Variants in CDK6 observed in about 807,000 individuals in gnomAD.
CDK6 encodes the protein cyclin dependent kinase 6, also known as cyclin-dependent kinase 6.
CDK6 carries 6 observed loss-of-function variants against 37.1 expected under a neutral mutation model. That is an observed-to-expected ratio of 0.16 (90% CI 0.09 to 0.32). The LOEUF (loss-of-function observed/expected upper bound fraction) is 0.32. CDK6 is among the 10% of genes least tolerant of loss of function. CDK6 has a pLI of 1.00. For synonymous variants in CDK6, 160 were observed against 161.3 expected (o/e 0.99, Z 0.06); for missense variants, 224 against 418.9 (o/e 0.53, Z 4.06).
intron 5 of CDK6, among the ~76,000 whole-genome samples, chr7:92,646,476 C>T (rs1056878754): frequency 4.0e-5 from 6 of 151,382 alleles, no homozygotes; most frequent in African/African-American, 9.7e-5. Context: ...CGGCTCACTG[C>T]AACCTCTCCC....
chr7:92,707,697 C>T (rs113940056), intron 4 of CDK6, among the ~76,000 whole-genome samples: 22 of 152,300 alleles, frequency 1.4e-4, no homozygotes, highest in African/African-American at 5.1e-4. Context: ...TGCGTGCATG[C>T]GCACACACAC....
intron 3 of CDK6, among the ~76,000 whole-genome samples, chr7:92,732,069 A>G (rs1210676309): frequency 6.6e-6 from 1 of 152,218 alleles, no homozygotes; most frequent in Non-Finnish European, 1.5e-5. Context: ...AGGCTTTTAA[A>G]AACATTTTAC....
At chr7:92,683,709 T>TG (rs111440463) in intron 4 of CDK6, among the ~76,000 whole-genome samples, 3,119 of 144,822 alleles carry the variant, frequency 0.022, 58 homozygotes, top group African/African-American at 0.049. Flanking sequence ...AGGACTGTGG[T>TG]GGGGGGGGGG....
intron 5 of CDK6, among the ~76,000 whole-genome samples, chr7:92,659,253 T>C (rs1796779643): frequency 6.6e-6 from 1 of 152,188 alleles, no homozygotes; most frequent in African/African-American, 2.4e-5. Flanking sequence ...GCACTTGAAA[T>C]GTGCTGAAAA....
chr7:92,763,816 T>C (rs1014030593), intron 3 of CDK6, among the ~76,000 whole-genome samples: 13 of 152,092 alleles, frequency 8.5e-5, no homozygotes, highest in Admixed American at 3.3e-4. Context: ...ACTGCGGGGG[T>C]TGGGAGTATG....
chr7:92,715,476 C>T (rs1798208863), intron 4 of CDK6, among the ~76,000 whole-genome samples: 1 of 152,156 alleles, frequency 6.6e-6, no homozygotes. Context: ...CCACAGCCAA[C>T]AGTAAAGTTC....
In CDK6 at chr7:92,834,339, C is replaced by T. The variant is rs1441113895; in HGVS notation, c.-367-649G>A. ...TCTACGAGGAGACATTTAAAAACGACTCGCATACACAAATGGTCTTTTTGG... is the reference window on the plus strand; with the variant it reads ...TCTACGAGGAGACATTTAAAAACGATTCGCATACACAAATGGTCTTTTTGG... On this transcript the variant is annotated intron_variant, in intron 1 of 7. Transcript: ENST00000424848. This position sits in a 1 kb window ranked among gnomAD's most constrained non-coding sequence, Gnocchi z 4.6. Among the ~76,000 whole-genome samples the T allele has an allele frequency of 6.6e-6, 1 of 152,108 alleles. No individual in the cohort carries two copies. Among genetic ancestry groups the T allele is most frequent in the African/African-American group, 2.4e-5 (1 of 41,420 alleles).
chr7:92,612,085 CT>C lies in CDK6; in HGVS notation c.*3054del, dbSNP rs1318158433. The C allele has an allele frequency of 6.0e-5, 14 of 232,728 alleles. No individual in the cohort carries two copies. Among genetic ancestry groups the C allele is most frequent in the Non-Finnish European group, 1.1e-4 (13 of 117,796 alleles). The allele number at this position is 232,728 out of a possible 1,614,324, so 14.4% of individuals were successfully genotyped here. ...TTTGCCATGGGATTTCTTATGAAAG[CT>C]AAATGGACAAGTTTCTCTTTTTCTC... is the stretch of plus-strand genomic sequence containing the variant. On this transcript the variant is annotated 3_prime_UTR_variant, in exon 8 of 8. Coordinates refer to ENST00000424848, the MANE Select transcript of CDK6 (RefSeq NM_001145306.2).
chr7:92,828,646 G>A lies in CDK6; in HGVS notation c.233+4445C>T, dbSNP rs374554145. 1.2e-4 allele frequency among the ~76,000 whole-genome samples: 19 copies of A among 152,172 alleles called. 1 individual carries two copies. Among genetic ancestry groups the A allele is most frequent in the Admixed American group, 1.1e-3 (17 of 15,290 alleles). On this transcript the variant is annotated intron_variant, in intron 2 of 7. Transcript: ENST00000424848. Reference sequence around the variant, plus strand: ...TTTGCATAGATATTCATTTACCCATGTCTTAAACATAGGAAAATATCCTCA... The same window carrying A: ...TTTGCATAGATATTCATTTACCCATATCTTAAACATAGGAAAATATCCTCA...
At chr7:92,682,408 C>A (rs1325822311) in intron 4 of CDK6, among the ~76,000 whole-genome samples, 6 of 152,046 alleles carry the variant, frequency 3.9e-5, no homozygotes, top group African/African-American at 1.4e-4. Flanking sequence ...TCCCATAGGC[C>A]CTTCTCTGGA....
At chr7:92,759,698 A>AC (rs1491487649) in intron 3 of CDK6, among the ~76,000 whole-genome samples, 1 of 74,686 alleles carries the variant, frequency 1.3e-5, no homozygotes, top group African/African-American at 8.8e-5. Context: ...ACTTTAAGGC[A>AC]AAAAAAAAAA....
In CDK6 at chr7:92,607,459, T is replaced by C. The variant is rs1045304545; in HGVS notation, c.*7681A>G. The C allele has an allele frequency of 2.6e-5, 6 of 232,906 alleles. No individual in the cohort carries two copies. Among genetic ancestry groups the C allele is most frequent in the African/African-American group, 1.3e-4 (6 of 45,346 alleles). 14.4% of individuals were successfully genotyped at this position (232,906 alleles called of 1,614,324 possible). On this transcript the variant is annotated 3_prime_UTR_variant, in exon 8 of 8. Coordinates refer to ENST00000424848, the MANE Select transcript of CDK6 (RefSeq NM_001145306.2). ...CCTTTACTTTAATTCCTTTACATAA[T>C]GATAAAACACCTAGATACCCAAAAT... is the stretch of plus-strand genomic sequence containing the variant.
Position 92,630,279 on chromosome 7 carries a change from ATTAT to A in CDK6, c.648-7197_648-7194del, listed in dbSNP as rs3042470. ...TTGATATTTTTTCTTGCCAAATTAC[ATTAT>A]TTATTTATTTATTTATTTATTTATT... On this transcript the variant is annotated intron_variant, in intron 5 of 7. Transcript: ENST00000424848. Among the ~76,000 whole-genome samples, 572 of 146,816 alleles carry A rather than the reference ATTAT, an allele frequency of 3.9e-3. 5 individuals are homozygous for A. Among genetic ancestry groups the A allele is most frequent in the African/African-American group, 0.012 (479 of 39,454 alleles).
intron 3 of CDK6, among the ~76,000 whole-genome samples, chr7:92,756,425 T>C (rs1195036593): frequency 6.6e-6 from 1 of 152,216 alleles, no homozygotes; most frequent in Non-Finnish European, 1.5e-5. Flanking sequence ...CAAGAATCTA[T>C]TTAATTCACT....
intron 4 of CDK6, among the ~76,000 whole-genome samples, chr7:92,706,891 T>C (rs1380234684): frequency 6.6e-6 from 1 of 152,150 alleles, no homozygotes; most frequent in African/African-American, 2.4e-5. Flanking sequence ...TTGGAAAAAA[T>C]ACATTTTATT....
At chr7:92,784,020 G>C (rs1307945654) in intron 2 of CDK6, among the ~76,000 whole-genome samples, 1 of 152,084 alleles carries the variant, frequency 6.6e-6, no homozygotes. Context: ...CTGAATGAAA[G>C]GCAGAGAAAA....
intron 2 of CDK6, among the ~76,000 whole-genome samples, chr7:92,824,760 A>C (rs533452563): frequency 3.9e-5 from 6 of 152,236 alleles, no homozygotes; most frequent in Non-Finnish European, 8.8e-5. Flanking sequence ...TTTTGTTAAT[A>C]ATACCTTATA....
chr7:92,730,596 C>T (rs915023075), intron 3 of CDK6, among the ~76,000 whole-genome samples: 1 of 152,194 alleles, frequency 6.6e-6, no homozygotes, highest in African/African-American at 2.4e-5. Context: ...ATGAATCTGA[C>T]AACTCTACAT....
chr7:92,823,567 C>T (rs1801233739), intron 2 of CDK6, among the ~76,000 whole-genome samples: 1 of 151,544 alleles, frequency 6.6e-6, no homozygotes, highest in Admixed American at 6.6e-5. Context: ...CCTTCTAGCC[C>T]CAATCTCCAA....
Sources: gnomAD v4.1 joint callset for allele counts (sites outside exome capture counted in the v4.1 genomes callset) on GRCh38, gnomAD v4.1.1 for gene constraint, Gnocchi (gnomAD v3.1) non-coding constraint, MANE v1.5 for transcripts, NCBI Gene and HGNC (gene_info 2026-07-23, HGNC 2026-07-21) for gene names.